Variants in PTPRN2 observed in about 807,000 individuals in gnomAD.
PTPRN2 encodes receptor-type tyrosine-protein phosphatase N2.
Under a neutral mutation model 118.8 loss-of-function variants are expected in PTPRN2, and 74 were observed. The observed-to-expected ratio is 0.62, with a 90% CI of 0.52 to 0.76. PTPRN2 has a LOEUF of 0.76. Among genes scored for constraint, PTPRN2 ranks in the 30% least tolerant of loss-of-function variants. The probability of loss-of-function intolerance (pLI) is 0.00; values close to 1 mark genes in which losing one functional copy is unlikely to be tolerated. For synonymous variants in PTPRN2, 641 were observed against 608.0 expected (o/e 1.05, Z -0.80); for missense variants, 1,481 against 1,394.4 (o/e 1.06, Z -0.99).
intron 2 of PTPRN2, among the ~76,000 whole-genome samples, chr7:158,366,069 G>A (rs112112208): frequency 0.041 from 5,451 of 133,416 alleles, 392 homozygotes; most frequent in African/African-American, 0.14. Context: ...CAATGCACGC[G>A]TGCACACACA....
At chr7:158,049,143 ACAT>A (rs1809139928) in intron 11 of PTPRN2, among the ~76,000 whole-genome samples, 2 of 68,116 alleles carry the variant, frequency 2.9e-5, no homozygotes, top group African/African-American at 5.9e-5. Context: ...CATCATCATC[ACAT>A]CATCACCATC....
rs745795706 is a variant in PTPRN2 at position 157,585,918 on chromosome 7, C to T, written c.2497-7778G>A. Reference sequence around the variant, plus strand: ...CATTTTAAATTCCGCATGTGTGCGGCGAGAGACTGACCGACCATCTTTGCA... The same window carrying T: ...CATTTTAAATTCCGCATGTGTGCGGTGAGAGACTGACCGACCATCTTTGCA... On this transcript the variant is annotated intron_variant, in intron 17 of 22. Coordinates refer to ENST00000389418, the MANE Select transcript of PTPRN2 (RefSeq NM_002847.5). The surrounding 1 kb of genome is among the most constrained non-coding windows in gnomAD (Gnocchi z 5.2). 2.2e-4 allele frequency among the ~76,000 whole-genome samples: 34 copies of T among 152,186 alleles called. No homozygotes were observed. Among genetic ancestry groups the T allele is most frequent in the Non-Finnish European group, 4.4e-4 (30 of 68,034 alleles).
intron 11 of PTPRN2, chr7:158,030,633 G>A (rs915394989): frequency 6.6e-6 from 1 of 152,570 alleles, no homozygotes; most frequent in Middle Eastern, 3.4e-3. Context: ...AACACCTGGT[G>A]ACCCAGCAGA....
At chr7:158,254,136 T>C (rs374789502) in intron 3 of PTPRN2, among the ~76,000 whole-genome samples, 2 of 26,460 alleles carry the variant, frequency 7.6e-5, no homozygotes, top group African/African-American at 2.7e-4. Context: ...TGACCCGCCC[T>C]CCATCTCCAC....
Position 157,563,239 on chromosome 7 carries a change from C to T in PTPRN2, c.2902+5663G>A, listed in dbSNP as rs555054191. 1.4e-3 allele frequency among the ~76,000 whole-genome samples: 194 copies of T among 139,524 alleles called. 4 individuals carry two copies. The highest frequency in any genetic ancestry group is 5.0e-3 in the African/African-American group (176 of 35,524). The allele number at this position is 139,524 out of a possible 152,430, so 91.5% of individuals were successfully genotyped here. A position where few individuals can be genotyped will look rare whatever the true frequency, so the allele number is the denominator to read the frequency against. On this transcript the variant is annotated intron_variant, in intron 21 of 22. Transcript: ENST00000389418. ...ACAGCAGAGCAGGACCACGTGCTCC[C>T]GCGTCACCACACACAGCAGATCAGG...
chr7:158,273,041 G>A (rs1798618453), intron 3 of PTPRN2, among the ~76,000 whole-genome samples: 1 of 152,202 alleles, frequency 6.6e-6, no homozygotes, highest in East Asian at 1.9e-4. Flanking sequence ...AGAATGTAAA[G>A]GGGAAGAGCT....
rs373761665 is a variant in PTPRN2 at position 158,271,517 on chromosome 7, G to A, written c.277+45302C>T. ...TCAGCAGAGTCCACATGCACGGGAC[G>A]GGGGCAACACAGCCAAGCCCCATGG... On this transcript the variant is annotated intron_variant, in intron 3 of 22. Transcript: ENST00000389418. Among the ~76,000 whole-genome samples, 18 of 152,244 alleles carry A rather than the reference G, an allele frequency of 1.2e-4. 1 individual carries two copies. The South Asian group carries it at 1.7e-3, about 14-fold the overall frequency.
At chr7:158,364,997 A>C (rs1283230593) in intron 2 of PTPRN2, among the ~76,000 whole-genome samples, 1 of 150,412 alleles carries the variant, frequency 6.6e-6, no homozygotes, top group African/African-American at 2.5e-5. Flanking sequence ...ACACACACGC[A>C]TGTGCACACA....
intron 17 of PTPRN2, among the ~76,000 whole-genome samples, chr7:157,593,875 C>T (rs1585078343): frequency 6.6e-6 from 1 of 152,216 alleles, no homozygotes; most frequent in South Asian, 2.1e-4. Flanking sequence ...GCCACAGGTT[C>T]GCCGTGCCAT....
chr7:157,912,079 T>C (rs1039633067), intron 11 of PTPRN2, among the ~76,000 whole-genome samples: 2 of 152,208 alleles, frequency 1.3e-5, no homozygotes, highest in African/African-American at 2.4e-5. Flanking sequence ...CAGGCCCATG[T>C]AGAGAATTTT....
At chr7:158,458,361 C>T (rs529279723) in intron 2 of PTPRN2, among the ~76,000 whole-genome samples, 50 of 152,262 alleles carry the variant, frequency 3.3e-4, no homozygotes, top group African/African-American at 1.2e-3. Flanking sequence ...CCCCAGCTCC[C>T]AAAGCTTACC....
rs539898758 is a variant in PTPRN2, at chr7:158,484,805, A to G, written c.163+4930T>C. ...CCTTTCCACGGCCGGACAGCACTCC[A>G]CCATCACAGACGTCCTCGGTTCCTG... is the stretch of plus-strand genomic sequence containing the variant. On this transcript the variant is annotated intron_variant, in intron 2 of 22. Coordinates refer to ENST00000389418, the MANE Select transcript of PTPRN2 (RefSeq NM_002847.5). 1.2e-4 allele frequency among the ~76,000 whole-genome samples: 19 copies of G among 152,184 alleles called. No individual in the cohort carries two copies. In the South Asian group the frequency reaches 4.0e-3, roughly 32 times the overall value.
intron 12 of PTPRN2, among the ~76,000 whole-genome samples, chr7:157,725,428 G>A (rs2907680): frequency 4.3e-3 from 266 of 62,048 alleles, no homozygotes; most frequent in East Asian, 0.034. Context: ...CCAGACCCTC[G>A]CCTCCCAGGA....
At chr7:157,578,192 G>A (rs747545582) in intron 17 of PTPRN2, 52 bp from the exon 18 acceptor site, 3 of 1,557,030 alleles carry the variant, frequency 1.9e-6, no homozygotes, top group South Asian at 2.3e-5. Context: ...ATCACCGCGT[G>A]ACATGTGTAA....
chr7:157,851,469 G>A (rs1325684090), intron 12 of PTPRN2, among the ~76,000 whole-genome samples: 2 of 152,158 alleles, frequency 1.3e-5, no homozygotes, highest in Non-Finnish European at 2.9e-5. Flanking sequence ...ATGGAACAGC[G>A]ACTTTGCCAT....
chr7:157,736,506 T>C (rs1362823915), intron 12 of PTPRN2, among the ~76,000 whole-genome samples: 1 of 152,188 alleles, frequency 6.6e-6, no homozygotes, highest in African/African-American at 2.4e-5. Context: ...GAAGATGCTG[T>C]CCACAAGCCC....
At chr7:158,542,735 A>G (rs1452772779) in intron 1 of PTPRN2, among the ~76,000 whole-genome samples, 1 of 152,188 alleles carries the variant, frequency 6.6e-6, no homozygotes, top group Non-Finnish European at 1.5e-5. Flanking sequence ...TCACAAGGGA[A>G]GTTTTCTACG....
At chr7:157,713,543 C>G (rs1054949035) in intron 12 of PTPRN2, among the ~76,000 whole-genome samples, 3 of 152,200 alleles carry the variant, frequency 2.0e-5, no homozygotes, top group African/African-American at 7.2e-5. Flanking sequence ...CTCCATCTCT[C>G]AGCAAGAAAT....
intron 15 of PTPRN2, chr7:157,616,745 C>T (rs1346017304): frequency 6.6e-6 from 1 of 152,014 alleles, no homozygotes; most frequent in Non-Finnish European, 1.5e-5. Flanking sequence ...TTAGGAGAAT[C>T]ACCCACGTAT....
Sources: gnomAD v4.1 joint callset for allele counts (sites outside exome capture counted in the v4.1 genomes callset) on GRCh38, gnomAD v4.1.1 for gene constraint, Gnocchi (gnomAD v3.1) non-coding constraint, MANE v1.5 for transcripts, NCBI Gene and HGNC (gene_info 2026-07-23, HGNC 2026-07-21) for gene names.